The following MYOM1 variants were observed in gnomAD, a reference collection of about 807,000 sequenced individuals.
MYOM1 encodes myomesin-1.
A neutral mutation model predicts 205.3 loss-of-function variants in MYOM1; 164 were observed. The ratio of observed to expected loss-of-function variants is 0.80; its 90% CI spans 0.70 to 0.91. The LOEUF (loss-of-function observed/expected upper bound fraction) is 0.91, where lower values mean the gene tolerates loss of function less well. MYOM1 is among the 40% of genes least tolerant of loss of function. The pLI, the probability that MYOM1 is intolerant of heterozygous loss-of-function variation, is 0.00. For synonymous variants in MYOM1, 772 were observed against 789.4 expected (o/e 0.98, Z 0.37); for missense variants, 2,011 against 2,127.3 (o/e 0.95, Z 1.08).
At chr18:3,074,292 G>A (rs1376410184) in intron 36 of MYOM1, among the ~76,000 whole-genome samples, 2 of 152,162 alleles carry the variant, frequency 1.3e-5, no homozygotes, top group Non-Finnish European at 2.9e-5. Context: ...GCAGGAGGGG[G>A]AAAGTGGAGA....
chr18:3,095,441 C>T (rs1188074764), intron 25 of MYOM1, among the ~76,000 whole-genome samples: 5 of 152,014 alleles, frequency 3.3e-5, no homozygotes, highest in South Asian at 2.1e-4. Context: ...TGGTGGTGGG[C>T]GCCTATATCC....
chr18:3,157,185 C>G (rs914119541), intron 10 of MYOM1, among the ~76,000 whole-genome samples: 1 of 152,144 alleles, frequency 6.6e-6, no homozygotes, highest in African/African-American at 2.4e-5. Flanking sequence ...CATAGATGCA[C>G]GATGGCAGGA....
At chr18:3,132,672 C>G (rs531659542) in intron 16 of MYOM1, among the ~76,000 whole-genome samples, 4 of 151,976 alleles carry the variant, frequency 2.6e-5, no homozygotes, top group Non-Finnish European at 5.9e-5. Flanking sequence ...GTCACTGTCT[C>G]GCTGCATGCC....
chr18:3,084,563 T>C (rs548648665), intron 31 of MYOM1, among the ~76,000 whole-genome samples: 1 of 152,338 alleles, frequency 6.6e-6, no homozygotes, highest in South Asian at 2.1e-4. Context: ...AGGAACAAAA[T>C]TGTAAGTTTG....
At chr18:3,122,748 T>C (rs2079715007) in intron 19 of MYOM1, among the ~76,000 whole-genome samples, 1 of 152,196 alleles carries the variant, frequency 6.6e-6, no homozygotes, top group African/African-American at 2.4e-5. Flanking sequence ...AGACAATTAC[T>C]AGAATATACC....
intron 5 of MYOM1, among the ~76,000 whole-genome samples, chr18:3,181,363 G>A (rs1347977092): frequency 6.6e-6 from 1 of 151,954 alleles, no homozygotes; most frequent in Non-Finnish European, 1.5e-5. Flanking sequence ...GATCCCATTG[G>A]GATAGATTTT....
intron 17 of MYOM1, among the ~76,000 whole-genome samples, chr18:3,130,680 T>C (rs2079862741): frequency 6.6e-6 from 1 of 152,166 alleles, no homozygotes; most frequent in Admixed American, 6.5e-5. Context: ...GGTCTCAAAC[T>C]CCTGGACTCA....
At chr18:3,127,282 C>CATATATATATATATATATATATATATAT (rs1241920775) in intron 18 of MYOM1, among the ~76,000 whole-genome samples, 4 of 59,496 alleles carry the variant, frequency 6.7e-5, no homozygotes, top group Non-Finnish European at 9.2e-5. Context: ...TCAGAATTTC[C>CATATATATATATATATATATATATATAT]ATATATATAT....
chr18:3,231,370 G>A, the MYOM1 span, among the ~76,000 whole-genome samples: 1 of 152,140 alleles, frequency 6.6e-6, no homozygotes, highest in African/African-American at 2.4e-5. Context: ...AAAGATGGGT[G>A]GCAGGGAGCA....
chr18:3,068,299 GA>G (rs1163556218), intron 37 of MYOM1, among the ~76,000 whole-genome samples: 2 of 151,998 alleles, frequency 1.3e-5, no homozygotes, highest in Admixed American at 1.3e-4. Flanking sequence ...AAATAATAAA[GA>G]GATCTGGTAT....
chr18:3,174,591 C>T (rs1224353891), intron 6 of MYOM1, among the ~76,000 whole-genome samples: 7 of 152,136 alleles, frequency 4.6e-5, no homozygotes, highest in East Asian at 1.9e-4. Context: ...AATGTGCAGG[C>T]GTGTACCTTT....
the MYOM1 span, among the ~76,000 whole-genome samples, chr18:3,243,867 GATA>G: frequency 1.3e-5 from 2 of 152,116 alleles, no homozygotes; most frequent in Non-Finnish European, 2.9e-5. Flanking sequence ...AATAGGCACA[GATA>G]ATAATAACTG....
chr18:3,235,527 G>T, the MYOM1 span, among the ~76,000 whole-genome samples: 7 of 152,148 alleles, frequency 4.6e-5, no homozygotes, highest in East Asian at 3.9e-4. Flanking sequence ...TGCTTCCCTT[G>T]TTGGCCTCAT....
intron 13 of MYOM1, 25 bp from the exon 14 acceptor site, chr18:3,142,088 G>A (rs1460658442): frequency 1.9e-6 from 3 of 1,611,488 alleles, no homozygotes; most frequent in Non-Finnish European, 1.7e-6. Flanking sequence ...GGAAAAATGA[G>A]AAGCACACAT....
At chr18:3,170,216 G>A (rs1401831684) in intron 8 of MYOM1, among the ~76,000 whole-genome samples, 1 of 152,154 alleles carries the variant, frequency 6.6e-6, no homozygotes, top group Non-Finnish European at 1.5e-5. Context: ...CAAGGAATAA[G>A]ATCTAGTCTA....
intron 18 of MYOM1, 66 bp from the exon 19 acceptor site, chr18:3,126,963 C>A: frequency 7.1e-7 from 1 of 1,407,410 alleles, no homozygotes; most frequent in Non-Finnish European, 9.8e-7. Context: ...ATAAACATTT[C>A]CATGGGTGCC....
intron 22 of MYOM1, among the ~76,000 whole-genome samples, chr18:3,110,091 GTAAACTGTT>G (rs1004311086): frequency 2.0e-5 from 3 of 152,180 alleles, no homozygotes; most frequent in African/African-American, 7.2e-5. Flanking sequence ...TAAAATCACA[GTAAACTGTT>G]CACGTTCCTA....
chr18:3,123,154 A>G (rs569164080), intron 19 of MYOM1, among the ~76,000 whole-genome samples: 23 of 152,288 alleles, frequency 1.5e-4, no homozygotes, highest in Non-Finnish European at 2.8e-4. Context: ...ATATAGTGCT[A>G]AAGTCACTAT....
chr18:3,072,630 A>G (rs545187675), intron 36 of MYOM1, among the ~76,000 whole-genome samples: 2 of 152,086 alleles, frequency 1.3e-5, no homozygotes, highest in East Asian at 3.9e-4. Flanking sequence ...CTGGGATTAC[A>G]GGTGTGAGCC....
Sources: gnomAD v4.1 joint callset for allele counts (sites outside exome capture counted in the v4.1 genomes callset) on GRCh38, gnomAD v4.1.1 for gene constraint, MANE v1.5 for transcripts, NCBI Gene and HGNC (gene_info 2026-07-23, HGNC 2026-07-21) for gene names.